The following DPYD variants were observed in gnomAD, a reference collection of about 807,000 sequenced individuals.
DPYD encodes the protein dihydropyrimidine dehydrogenase.
DPYD carries 109 observed loss-of-function variants against 116.2 expected under a neutral mutation model. The ratio of observed to expected loss-of-function variants is 0.94; its 90% CI spans 0.80 to 1.10. DPYD has a LOEUF of 1.10. Ranked by LOEUF, DPYD falls within the 50% of genes least tolerant of loss-of-function variation. DPYD has a pLI of 0.00. For synonymous variants in DPYD, 440 were observed against 432.0 expected, an observed-to-expected ratio of 1.02 and a Z score of -0.23; for missense variants, 1,302 against 1,254.5, an observed-to-expected ratio of 1.04 and a Z score of -0.57.
At position 97,573,971 on chromosome 1, in the gene DPYD, C is replaced by T. The variant is rs2102185051; in HGVS notation, c.1129-1G>A. On this transcript the variant is annotated splice_acceptor_variant, in intron 10 of 22. Coordinates refer to ENST00000370192, the MANE Select transcript of DPYD (RefSeq NM_000110.4). LOFTEE classifies it high-confidence loss of function. The stretch of plus-strand genomic sequence containing the variant: ...ACTTTTCTTCCTTAGCAAGTTCCAT[C>T]TAAAACAAAACAGAACAGAGAAGAA... The T allele has an allele frequency of 6.2e-7, 1 of 1,613,336 alleles. No homozygotes were observed. Among genetic ancestry groups the T allele is most frequent in the Non-Finnish European group, 8.5e-7 (1 of 1,179,490 alleles).
intron 3 of DPYD, among the ~76,000 whole-genome samples, chr1:97,795,869 T>C (rs1306715499): frequency 2.0e-5 from 3 of 152,016 alleles, no homozygotes; most frequent in East Asian, 3.8e-4. Flanking sequence ...ACTCTTTTTA[T>C]TATAATAAAA....
rs1665148869 is a variant in DPYD, at chr1:97,279,206, T to A, written c.2299+26053A>T. On this transcript the variant is annotated intron_variant, in intron 18 of 22. Coordinates refer to ENST00000370192, the MANE Select transcript of DPYD (RefSeq NM_000110.4). ...TTGAAATTACATTAAGCATACCCCATACTTTGTTTAAACATGGCAGATTCC... is the reference window on the plus strand; with the variant it reads ...TTGAAATTACATTAAGCATACCCCAAACTTTGTTTAAACATGGCAGATTCC... 3.3e-5 allele frequency among the ~76,000 whole-genome samples: 5 copies of A among 152,260 alleles called. 1 individual carries two copies. The South Asian group carries it at 1.0e-3, about 32-fold the overall frequency.
At chr1:97,722,100 C>A (rs1420981864) in intron 4 of DPYD, among the ~76,000 whole-genome samples, 1 of 151,526 alleles carries the variant, frequency 6.6e-6, no homozygotes, top group Non-Finnish European at 1.5e-5. Flanking sequence ...CTCCATTTAA[C>A]TAAATTAAAA....
At chr1:97,350,340 G>C (rs1337682249) in intron 16 of DPYD, among the ~76,000 whole-genome samples, 1 of 152,124 alleles carries the variant, frequency 6.6e-6, no homozygotes, top group East Asian at 1.9e-4. Flanking sequence ...CTGAAGCTTA[G>C]TACTATATAC....
chr1:97,848,716 C>A (rs535822304), intron 2 of DPYD, among the ~76,000 whole-genome samples: 54 of 152,256 alleles, frequency 3.5e-4, no homozygotes, highest in African/African-American at 1.2e-3. Context: ...CAGAATCTCC[C>A]TCTGCATGGC....
At chr1:97,645,552 A>T (rs1238304845) in intron 8 of DPYD, among the ~76,000 whole-genome samples, 1 of 152,042 alleles carries the variant, frequency 6.6e-6, no homozygotes, top group Non-Finnish European at 1.5e-5. Flanking sequence ...AAATCTCTGT[A>T]TGCATTTGTG....
chr1:97,089,964 G>T (rs1252546105), intron 21 of DPYD, among the ~76,000 whole-genome samples: 1 of 151,258 alleles, frequency 6.6e-6, no homozygotes, highest in African/African-American at 2.4e-5. Context: ...ATGTTCAAAT[G>T]AAATTCATAG....
At chr1:97,734,975 T>A (rs1377781201) in intron 4 of DPYD, among the ~76,000 whole-genome samples, 1 of 152,128 alleles carries the variant, frequency 6.6e-6, no homozygotes, top group African/African-American at 2.4e-5. Flanking sequence ...AGTCTTAAAC[T>A]TGGGTACACA....
chr1:97,163,598 G>T (rs947957611), intron 20 of DPYD, among the ~76,000 whole-genome samples: 1 of 152,136 alleles, frequency 6.6e-6, no homozygotes. Flanking sequence ...TTGGGAGTTT[G>T]GTTTCTGCTT....
intron 8 of DPYD, among the ~76,000 whole-genome samples, chr1:97,646,903 G>C (rs1426010521): frequency 6.6e-6 from 1 of 152,050 alleles, no homozygotes; most frequent in Non-Finnish European, 1.5e-5. Context: ...ACAAAATCAA[G>C]TTCAGAAAGC....
chr1:97,747,096 A>G (rs1664601336), intron 3 of DPYD, among the ~76,000 whole-genome samples: 1 of 152,088 alleles, frequency 6.6e-6, no homozygotes, highest in Non-Finnish European at 1.5e-5. Flanking sequence ...ATCATGGTTT[A>G]TAAACTGAAT....
At chr1:97,655,793 A>T (rs1658869295) in intron 8 of DPYD, among the ~76,000 whole-genome samples, 1 of 152,152 alleles carries the variant, frequency 6.6e-6, no homozygotes, top group African/African-American at 2.4e-5. Context: ...ATTTGAATGA[A>T]CTCATGTTAG....
chr1:97,290,155 G>C (rs1666038161), intron 18 of DPYD, among the ~76,000 whole-genome samples: 1 of 152,100 alleles, frequency 6.6e-6, no homozygotes, highest in South Asian at 2.1e-4. Flanking sequence ...CCTCTTCAAG[G>C]AGAACTACAA....
intron 19 of DPYD, among the ~76,000 whole-genome samples, chr1:97,232,524 A>G (rs1265538554): frequency 6.6e-6 from 1 of 152,038 alleles, no homozygotes; most frequent in Non-Finnish European, 1.5e-5. Context: ...CTCTGAGGAC[A>G]TTAGTGTTAC....
intron 3 of DPYD, among the ~76,000 whole-genome samples, chr1:97,817,110 A>G (rs1322727693): frequency 6.6e-6 from 1 of 152,136 alleles, no homozygotes. Flanking sequence ...CAGCCACATC[A>G]ACACAGCCAC....
At chr1:97,883,767 T>C (rs980635103) in intron 1 of DPYD, 2 of 401,510 alleles carry the variant, frequency 5.0e-6, no homozygotes, top group African/African-American at 4.3e-5. Context: ...GAATCAAACT[T>C]TATCTAAGAT....
chr1:97,884,136 G>T (rs1197807062), intron 1 of DPYD, among the ~76,000 whole-genome samples: 22 of 151,896 alleles, frequency 1.4e-4, no homozygotes, highest in Non-Finnish European at 7.4e-5. Context: ...TACATTAATA[G>T]ACTAATATGG....
At chr1:97,177,917 C>T (rs369629628) in intron 20 of DPYD, among the ~76,000 whole-genome samples, 44 of 152,184 alleles carry the variant, frequency 2.9e-4, no homozygotes, top group East Asian at 9.7e-4. Context: ...GGCCTGCTTC[C>T]ATACAGATGG....
chr1:97,663,246 A>T (rs190541114), intron 8 of DPYD, among the ~76,000 whole-genome samples: 70 of 152,312 alleles, frequency 4.6e-4, no homozygotes, highest in African/African-American at 1.6e-3. Context: ...TGTCACAAGG[A>T]ATCTCAAACG....
Sources: gnomAD v4.1 joint callset for allele counts (sites outside exome capture counted in the v4.1 genomes callset) on GRCh38, gnomAD v4.1.1 for gene constraint, MANE v1.5 for transcripts, NCBI Gene and HGNC (gene_info 2026-07-23, HGNC 2026-07-21) for gene names.